Variants in SLC25A38 observed in about 807,000 individuals in gnomAD.
The protein encoded by SLC25A38 is mitochondrial glycine transporter.
Under a neutral mutation model 33.4 loss-of-function variants are expected in SLC25A38, and 27 were observed. The observed-to-expected ratio is 0.81, with a 90% CI of 0.60 to 1.11. The LOEUF (loss-of-function observed/expected upper bound fraction) is 1.11. Ranked by LOEUF, SLC25A38 falls within the 50% of genes most tolerant of loss-of-function variation. The pLI, the probability that SLC25A38 is intolerant of heterozygous loss-of-function variation, is 0.00. For missense variants in SLC25A38, 344 were observed against 388.8 expected, an observed-to-expected ratio of 0.88 and a Z score of 0.97; for synonymous variants, 123 against 145.9, an observed-to-expected ratio of 0.84 and a Z score of 1.13.
chr3:39,394,702 A>G, intron 6 of SLC25A38, 126 bp downstream of exon 6: 2 of 1,095,618 alleles, frequency 1.8e-6, no homozygotes, highest in South Asian at 2.9e-5. Context: ...TGCCCAGGTT[A>G]AAATCTAGGC....
intron 5 of SLC25A38, among the ~76,000 whole-genome samples, chr3:39,393,307 G>A (rs898237277): frequency 2.0e-5 from 3 of 151,900 alleles, no homozygotes; most frequent in Non-Finnish European, 4.4e-5. Context: ...AAAAAAAATC[G>A]ATCTGGTATT....
In SLC25A38 at chr3:39,383,626, C is replaced by T; in HGVS notation, c.-99C>T. 2 of 1,429,492 alleles carry T rather than the reference C, an allele frequency of 1.4e-6. No individual in the cohort carries two copies. The highest frequency in any genetic ancestry group is 2.0e-6 in the Non-Finnish European group (2 of 1,022,304). 88.6% of individuals were successfully genotyped at this position (1,429,492 alleles called of 1,614,324 possible). A position where few individuals can be genotyped will look rare whatever the true frequency, so the allele number is the denominator to read the frequency against. On this transcript the variant is annotated 5_prime_UTR_variant, in exon 1 of 7. Transcript: ENST00000650617. ...CCGCGGCTTAAAGCGCGTCGCCTGG[C>T]TAGCGCCACCCCCTAGCCTTCTTCA...
chr3:39,395,419 A>G (rs2041816874), intron 6 of SLC25A38, among the ~76,000 whole-genome samples: 1 of 151,682 alleles, frequency 6.6e-6, no homozygotes, highest in Admixed American at 6.6e-5. Context: ...TTAAAAAAAA[A>G]ATAAATAAAT....
At chr3:39,385,325 A>G (rs1261230806) in intron 1 of SLC25A38, among the ~76,000 whole-genome samples, 1 of 152,182 alleles carries the variant, frequency 6.6e-6, no homozygotes, top group African/African-American at 2.4e-5. Flanking sequence ...TATTGGCTCA[A>G]TAACTTGAGC....
rs1405226670 is a variant in SLC25A38, at chr3:39,397,196, A to C, written c.*676A>C. 1 of 153,260 alleles carries C rather than the reference A, an allele frequency of 6.5e-6. No individual in the cohort carries two copies. Among genetic ancestry groups the C allele is most frequent in the African/African-American group, 2.4e-5 (1 of 41,386 alleles). The allele number at this position is 153,260 out of a possible 1,614,324, so 9.5% of individuals were successfully genotyped here. Reference sequence around the variant, plus strand: ...TTAAAGTGCTGTACTTTATTTATTGAACTTTATCATTGAAAGCTGTTTGGA... The same window carrying C: ...TTAAAGTGCTGTACTTTATTTATTGCACTTTATCATTGAAAGCTGTTTGGA... On this transcript the variant is annotated 3_prime_UTR_variant, in exon 7 of 7. Coordinates refer to ENST00000650617, the MANE Select transcript of SLC25A38 (RefSeq NM_017875.4).
intron 6 of SLC25A38, among the ~76,000 whole-genome samples, chr3:39,396,010 A>C (rs1182005135): frequency 6.6e-6 from 1 of 152,056 alleles, no homozygotes; most frequent in African/African-American, 2.4e-5. Context: ...GGAGTTCGAG[A>C]CCAGCCTGGC....
At chr3:39,387,400 A>G (rs115947917) in intron 1 of SLC25A38, among the ~76,000 whole-genome samples, 1,924 of 152,246 alleles carry the variant, frequency 0.013, 41 homozygotes, top group African/African-American at 0.044. Context: ...TTGAGGCTGG[A>G]GACTGCTGCA....
rs114039279 is a variant in SLC25A38, at chr3:39,391,821, T to C, written c.457-32T>C. The C allele has an allele frequency of 2.0e-4, 325 of 1,612,764 alleles. 1 individual carries two copies. In the African/African-American group the frequency reaches 3.8e-3, roughly 19 times the overall value. On this transcript the variant is annotated intron_variant, in intron 4 of 6. Transcript: ENST00000650617. ...TCAGTGCTGAAATGCAGCGCCTCCA[T>C]GCGAGTCACTGGTTCTGTGCTCTCT... is the stretch of plus-strand genomic sequence containing the variant.
At chr3:39,391,745 A>G in intron 4 of SLC25A38, 108 bp from the exon 5 acceptor site, 1 of 1,598,640 alleles carries the variant, frequency 6.3e-7, no homozygotes, top group Non-Finnish European at 8.6e-7. Flanking sequence ...CAGACAAGCC[A>G]TATGTGAACT....
intron 3 of SLC25A38, 137 bp downstream of exon 3, chr3:39,390,644 C>T: frequency 1.2e-6 from 1 of 829,040 alleles, no homozygotes; most frequent in South Asian, 1.4e-5. Flanking sequence ...ATCTCTCATA[C>T]TACAACTAAC....
intron 6 of SLC25A38, among the ~76,000 whole-genome samples, chr3:39,395,791 G>C (rs2041820936): frequency 1.3e-5 from 2 of 151,934 alleles, no homozygotes; most frequent in South Asian, 4.2e-4. Flanking sequence ...GCTACTTGGG[G>C]CTTAGTGCTT....
Position 39,391,624 on chromosome 3 carries a change from A to G in SLC25A38, c.456+4A>G. On this transcript the variant is annotated splice_donor_region_variant and intron_variant, in intron 4 of 6. Transcript: ENST00000650617. Reference sequence around the variant, plus strand: ...TGTAATCAAGACGCGCTATGAGGTGAGTTCAACCACTTTAGGGCCTCAGGA... The same window carrying G: ...TGTAATCAAGACGCGCTATGAGGTGGGTTCAACCACTTTAGGGCCTCAGGA... The G allele has an allele frequency of 2.5e-6, 4 of 1,614,184 alleles. No homozygotes were observed. Among genetic ancestry groups the G allele is most frequent in the Non-Finnish European group, 3.4e-6 (4 of 1,180,044 alleles).
chr3:39,391,523 C>T lies in SLC25A38; in HGVS notation c.359C>T (p.Pro120Leu), dbSNP rs1489429160. The change falls in exon 4 of 7, where the codon CCC becomes CTC. Residue 120 changes from proline to leucine, a missense_variant. This residue lies in a region of SLC25A38 where 269 missense variants were observed against 271.8 expected (regional missense o/e 0.99). Coordinates refer to ENST00000650617, the MANE Select transcript of SLC25A38 (RefSeq NM_017875.4). The part of the protein sequence containing the change: ...SLKQYFLRGH[P>L]PTALESVMLG... Reference sequence around the variant, plus strand: ...AAGCAGTATTTCTTGCGAGGCCATCCCCCAACCGCCCTGGAGTCAGTCATG... The same window carrying T: ...AAGCAGTATTTCTTGCGAGGCCATCTCCCAACCGCCCTGGAGTCAGTCATG... 3.1e-6 allele frequency: 5 copies of T among 1,614,086 alleles called. No individual in the cohort carries two copies. The highest frequency in any genetic ancestry group is 3.3e-5 in the Admixed American group (2 of 60,014).
chr3:39,396,825 G>A lies in SLC25A38; in HGVS notation c.*305G>A, dbSNP rs774462116. The A allele has an allele frequency of 5.5e-4, 231 of 417,888 alleles. No homozygotes were observed. The highest frequency in any genetic ancestry group is 9.2e-4 in the South Asian group (44 of 47,670). 25.9% of individuals were successfully genotyped at this position (417,888 alleles called of 1,614,324 possible). A position where few individuals can be genotyped will look rare whatever the true frequency, so the allele number is the denominator to read the frequency against. On this transcript the variant is annotated 3_prime_UTR_variant, in exon 7 of 7. Transcript: ENST00000650617. Reference sequence around the variant, plus strand: ...CAGGAGAGCTCTGTCAGGTGGCTGCGCTTCAGCCCCACCCCTACACCACAG... The same window carrying A: ...CAGGAGAGCTCTGTCAGGTGGCTGCACTTCAGCCCCACCCCTACACCACAG...
intron 1 of SLC25A38, among the ~76,000 whole-genome samples, chr3:39,384,251 C>T (rs1238526030): frequency 2.0e-5 from 3 of 152,206 alleles, no homozygotes; most frequent in African/African-American, 7.2e-5. Context: ...CTGGAGGGGC[C>T]AGTCGTGGCG....
rs1414315839 is a variant in SLC25A38 at position 39,389,464 on chromosome 3, G to A, written c.70-31G>A. On this transcript the variant is annotated intron_variant, in intron 1 of 6. Transcript: ENST00000650617. This position sits in a 1 kb window ranked among gnomAD's most constrained non-coding sequence, Gnocchi z 4.5. ...GAAAGGTGAGGCTCACACAGGCAGA[G>A]CTACTGACACAATATTGTCTTATCC... 1 of 1,614,248 alleles carries A rather than the reference G, an allele frequency of 6.2e-7. No homozygotes were observed. The highest frequency in any genetic ancestry group is 2.2e-5 in the East Asian group (1 of 44,890).
Position 39,389,519 on chromosome 3 carries a change from C to T in SLC25A38, c.94C>T (p.Leu32=). 6.2e-7 allele frequency: 1 copy of T among 1,614,204 alleles called. No individual in the cohort carries two copies. The highest frequency in any genetic ancestry group is 2.2e-5 in the East Asian group (1 of 44,880). Residue 32 remains leucine, a synonymous_variant, in exon 2 of 7, where the codon CTG becomes TTG. Coordinates refer to ENST00000650617, the MANE Select transcript of SLC25A38 (RefSeq NM_017875.4). This position sits in a 1 kb window ranked among gnomAD's most constrained non-coding sequence, Gnocchi z 4.5. ...LMLHPVIKAF[L]CGSISGTCST... ...GTTACATCCGGTGATCAAGGCTTTC[C>T]TGTGTGGCTCCATCAGTGGGACCTG... is the stretch of plus-strand genomic sequence containing the variant.
chr3:39,389,308 C>A lies in SLC25A38; in HGVS notation c.70-187C>A. The stretch of plus-strand genomic sequence containing the variant: ...GATACCTCTTGCAGCATCCAATGTC[C>A]TCAATAACATTGCAGTATTTTTAAT... On this transcript the variant is annotated intron_variant, in intron 1 of 6. Transcript: ENST00000650617. The surrounding 1 kb of genome is among the most constrained non-coding windows in gnomAD (Gnocchi z 4.5). 2.3e-6 allele frequency: 2 copies of A among 882,084 alleles called. No homozygotes were observed. Among genetic ancestry groups the A allele is most frequent in the Non-Finnish European group, 3.7e-6 (2 of 545,024 alleles). 54.6% of individuals were successfully genotyped at this position (882,084 alleles called of 1,614,324 possible).
chr3:39,386,522 C>G (rs1332078359), intron 1 of SLC25A38, among the ~76,000 whole-genome samples: 1 of 152,118 alleles, frequency 6.6e-6, no homozygotes, highest in Non-Finnish European at 1.5e-5. Flanking sequence ...TGGCAGTGAG[C>G]CATGATTGTG....
Sources: gnomAD v4.1 joint callset for allele counts (sites outside exome capture counted in the v4.1 genomes callset) on GRCh38, gnomAD v4.1.1 for gene constraint, gnomAD v4.1.1 regional missense constraint, Gnocchi (gnomAD v3.1) non-coding constraint, MANE v1.5 for transcripts, NCBI Gene and HGNC (gene_info 2026-07-23, HGNC 2026-07-21) for gene names.